Variants in SHC3 observed in about 807,000 individuals in gnomAD.
SHC3 encodes the protein SHC-transforming protein 3.
SHC3 carries 15 observed loss-of-function variants against 60.4 expected under a neutral mutation model. The observed-to-expected ratio is 0.25, with a 90% confidence interval of 0.17 to 0.38. The LOEUF (loss-of-function observed/expected upper bound fraction) is 0.38, where lower values mean the gene tolerates loss of function less well. Ranked by LOEUF, SHC3 falls within the 10% of genes least tolerant of loss-of-function variation. The probability of loss-of-function intolerance (pLI) is 1.00; values close to 1 mark genes in which losing one functional copy is unlikely to be tolerated. For missense variants in SHC3, 677 were observed against 786.1 expected, an observed-to-expected ratio of 0.86 and a Z score of 1.66; for synonymous variants, 294 against 325.9, an observed-to-expected ratio of 0.90 and a Z score of 1.05.
chr9:89,037,906 T>C, intron 11 of SHC3, 87 bp downstream of exon 11: 1 of 1,496,502 alleles, frequency 6.7e-7, no homozygotes, highest in Non-Finnish European at 9.0e-7. Flanking sequence ...GAGGTGGGAA[T>C]GTGGAGGGCA....
chr9:89,075,056 C>T, intron 4 of SHC3, 53 bp downstream of exon 4: 6 of 1,586,642 alleles, frequency 3.8e-6, no homozygotes, highest in Non-Finnish European at 5.1e-6. Context: ...GCCTGCGAAA[C>T]ACTCATCACC....
At chr9:89,065,640 G>A (rs925259200) in intron 5 of SHC3, 60 bp from the exon 6 acceptor site, 129 of 1,538,838 alleles carry the variant, frequency 8.4e-5, no homozygotes, top group Non-Finnish European at 1.1e-4. Flanking sequence ...CACACAGTCA[G>A]GGACACAGGG....
At chr9:89,091,638 G>T (rs1825622855) in intron 2 of SHC3, among the ~76,000 whole-genome samples, 1 of 152,120 alleles carries the variant, frequency 6.6e-6, no homozygotes, top group African/African-American at 2.4e-5. Context: ...ATTTTTAAGT[G>T]TGCAGTTCAG....
At chr9:89,131,644 C>T (rs1036031212) in intron 1 of SHC3, among the ~76,000 whole-genome samples, 9 of 152,146 alleles carry the variant, frequency 5.9e-5, no homozygotes, top group African/African-American at 1.9e-4. Context: ...ATAAACAGAA[C>T]CATAGACAAA....
At chr9:89,110,858 C>T (rs937231455) in intron 2 of SHC3, among the ~76,000 whole-genome samples, 1 of 152,190 alleles carries the variant, frequency 6.6e-6, no homozygotes, top group African/African-American at 2.4e-5. Context: ...AACCTCCAAA[C>T]CCATCAGTGT....
chr9:89,026,266 A>G (rs1415909799), intron 11 of SHC3, among the ~76,000 whole-genome samples: 2 of 151,936 alleles, frequency 1.3e-5, no homozygotes, highest in South Asian at 4.1e-4. Context: ...AAAAAAAAAA[A>G]AAAAAAAACA....
intron 9 of SHC3, 43 bp from the exon 10 acceptor site, chr9:89,042,227 A>G: frequency 1.3e-6 from 2 of 1,484,780 alleles, no homozygotes; most frequent in Non-Finnish European, 8.9e-7. Context: ...CGATGGTGAC[A>G]CTATTCAAGC....
chr9:89,115,746 T>C (rs1266733160), intron 1 of SHC3, among the ~76,000 whole-genome samples: 1 of 152,164 alleles, frequency 6.6e-6, no homozygotes, highest in Non-Finnish European at 1.5e-5. Flanking sequence ...CAAAAGATTG[T>C]GTGAACACCA....
At chr9:89,024,483 G>T (rs1028135483) in intron 11 of SHC3, among the ~76,000 whole-genome samples, 2 of 152,150 alleles carry the variant, frequency 1.3e-5, no homozygotes, top group Non-Finnish European at 2.9e-5. Flanking sequence ...GTCCAGTGCA[G>T]TGACAAGTGA....
intron 1 of SHC3, among the ~76,000 whole-genome samples, chr9:89,173,398 C>T (rs1826897266): frequency 6.6e-6 from 1 of 152,252 alleles, no homozygotes; most frequent in Non-Finnish European, 1.5e-5. Context: ...TGATAGTAAT[C>T]ATATATTCCT....
At chr9:89,023,883 C>T (rs1436532607) in intron 11 of SHC3, among the ~76,000 whole-genome samples, 1 of 152,236 alleles carries the variant, frequency 6.6e-6, no homozygotes, top group Non-Finnish European at 1.5e-5. Flanking sequence ...CCAACTCTAG[C>T]CCCTGAAGGG....
intron 1 of SHC3, among the ~76,000 whole-genome samples, chr9:89,115,938 A>T (rs1366798763): frequency 6.6e-6 from 1 of 152,236 alleles, no homozygotes; most frequent in African/African-American, 2.4e-5. Flanking sequence ...TTATGTGAAT[A>T]GCACCACAAA....
Position 89,110,083 on chromosome 9 carries a change from A to G in SHC3, c.545+2473T>C, listed in dbSNP as rs1825923937. 8 of 985,334 alleles carry G rather than the reference A, an allele frequency of 8.1e-6. No individual in the cohort carries two copies. In the South Asian group the frequency reaches 3.8e-4, roughly 46 times the overall value. 61.0% of individuals were successfully genotyped at this position (985,334 alleles called of 1,614,324 possible). The stretch of plus-strand genomic sequence containing the variant: ...AATACACTGAAAAAGAACAAAAAGG[A>G]AACACCTTTCCAAAAGAAAGATGTT... On this transcript the variant is annotated intron_variant, in intron 2 of 11. Coordinates refer to ENST00000375835, the MANE Select transcript of SHC3 (RefSeq NM_016848.6).
At chr9:89,059,409 G>A (rs1226460162) in intron 6 of SHC3, among the ~76,000 whole-genome samples, 2 of 148,932 alleles carry the variant, frequency 1.3e-5, no homozygotes, top group Non-Finnish European at 3.0e-5. Flanking sequence ...GAGGATGATG[G>A]TGGAGGATTT....
At chr9:89,132,618 C>T (rs1182618898) in intron 1 of SHC3, among the ~76,000 whole-genome samples, 3 of 152,090 alleles carry the variant, frequency 2.0e-5, no homozygotes, top group South Asian at 4.1e-4. Context: ...CATCTACAAC[C>T]ATCTGATCTT....
chr9:89,131,085 T>A (rs1268255745), intron 1 of SHC3, among the ~76,000 whole-genome samples: 1 of 151,934 alleles, frequency 6.6e-6, no homozygotes, highest in Admixed American at 6.6e-5. Flanking sequence ...TATCACCACC[T>A]ATCCCACAGA....
intron 2 of SHC3, among the ~76,000 whole-genome samples, chr9:89,083,548 G>T (rs1476279043): frequency 2.0e-5 from 3 of 152,198 alleles, no homozygotes; most frequent in Non-Finnish European, 2.9e-5. Flanking sequence ...TAGAAATAGT[G>T]TCAGTGTGTA....
chr9:89,054,455 A>T (rs2297314), intron 6 of SHC3, among the ~76,000 whole-genome samples: 112,245 of 151,958 alleles, frequency 0.74, 41,980 homozygotes, highest in East Asian at 0.99. Flanking sequence ...TCACTCCAAA[A>T]CCAGTTAAAC....
rs1825925873 is a variant in SHC3 at position 89,110,223 on chromosome 9, G to A, written c.545+2333C>T. 8 of 985,274 alleles carry A rather than the reference G, an allele frequency of 8.1e-6. No individual in the cohort carries two copies. In the South Asian group the frequency reaches 3.3e-4, roughly 41 times the overall value. The allele number at this position is 985,274 out of a possible 1,614,324, so 61.0% of individuals were successfully genotyped here. ...GAGTCCTCACATTTGTGTATACAAA[G>A]TGAAATGCTGGGAGTGAAGCCCAGC... is the stretch of plus-strand genomic sequence containing the variant. On this transcript the variant is annotated intron_variant, in intron 2 of 11. Coordinates refer to ENST00000375835, the MANE Select transcript of SHC3 (RefSeq NM_016848.6).
Sources: gnomAD v4.1 joint callset for allele counts (sites outside exome capture counted in the v4.1 genomes callset) on GRCh38, gnomAD v4.1.1 for gene constraint, MANE v1.5 for transcripts, NCBI Gene and HGNC (gene_info 2026-07-23, HGNC 2026-07-21) for gene names.